The following CARMIL1 variants were observed in gnomAD, a reference collection of about 807,000 sequenced individuals.
The protein encoded by CARMIL1 is F-actin-uncapping protein LRRC16A.
In CARMIL1, 90 loss-of-function variants were observed where a neutral mutation model predicts 177.1. That is an observed-to-expected ratio of 0.51 (90% CI 0.43 to 0.61). The LOEUF (loss-of-function observed/expected upper bound fraction) is 0.61, where lower values mean the gene tolerates loss of function less well. CARMIL1 is among the 20% of genes least tolerant of loss of function. The probability of loss-of-function intolerance (pLI) is 0.00; values close to 1 mark genes in which losing one functional copy is unlikely to be tolerated. For synonymous variants in CARMIL1, 577 were observed against 606.2 expected (o/e 0.95, Z 0.71); for missense variants, 1,380 against 1,667.0 (o/e 0.83, Z 3.00).
chr6:25,422,777 T>C (rs35954501), intron 3 of CARMIL1, among the ~76,000 whole-genome samples: 20,165 of 152,118 alleles, frequency 0.13, 1,729 homozygotes, highest in East Asian at 0.3. Flanking sequence ...TACCCTAACA[T>C]GTTGTGACAC....
intron 11 of CARMIL1, among the ~76,000 whole-genome samples, chr6:25,473,927 CAG>C (rs1455365864): frequency 6.6e-6 from 1 of 152,030 alleles, no homozygotes; most frequent in African/African-American, 2.4e-5. Flanking sequence ...AGAGAGGAGT[CAG>C]TAGGTTTAGA....
chr6:25,526,070 G>A (rs1425138668), intron 23 of CARMIL1, among the ~76,000 whole-genome samples: 1 of 151,924 alleles, frequency 6.6e-6, no homozygotes, highest in African/African-American at 2.4e-5. Context: ...AGCACTTTGG[G>A]AGGCCGAGGC....
intron 15 of CARMIL1, among the ~76,000 whole-genome samples, chr6:25,492,346 C>T (rs541529543): frequency 3.9e-5 from 6 of 152,256 alleles, no homozygotes; most frequent in African/African-American, 1.4e-4. Context: ...CACGGGTGAG[C>T]TTGGATGTAG....
intron 2 of CARMIL1, among the ~76,000 whole-genome samples, chr6:25,395,830 G>A (rs977438538): frequency 6.6e-6 from 1 of 152,222 alleles, no homozygotes; most frequent in Admixed American, 6.5e-5. Context: ...TAAGCAAGTG[G>A]AAAGGTGGTT....
At chr6:25,478,727 A>C (rs765476438) in intron 11 of CARMIL1, among the ~76,000 whole-genome samples, 2 of 151,452 alleles carry the variant, frequency 1.3e-5, no homozygotes, top group Non-Finnish European at 2.9e-5. Context: ...ACCTGGGAGG[A>C]GGAGGTTGCA....
intron 2 of CARMIL1, among the ~76,000 whole-genome samples, chr6:25,392,184 T>C (rs761640418): frequency 9.2e-5 from 14 of 151,930 alleles, no homozygotes; most frequent in African/African-American, 3.4e-4. Flanking sequence ...ACCGTAGATA[T>C]ATATGGGATC....
chr6:25,397,202 A>G (rs1793485608), intron 2 of CARMIL1, among the ~76,000 whole-genome samples: 1 of 152,138 alleles, frequency 6.6e-6, no homozygotes, highest in Non-Finnish European at 1.5e-5. Context: ...TAGCTCAGTC[A>G]TTTGAACTTC....
intron 11 of CARMIL1, among the ~76,000 whole-genome samples, chr6:25,481,044 C>T (rs1802079475): frequency 6.6e-6 from 1 of 151,552 alleles, no homozygotes; most frequent in African/African-American, 2.4e-5. Context: ...TTAGATTAAT[C>T]AAGTTTTAAC....
In CARMIL1 at chr6:25,550,893, C is replaced by G; in HGVS notation, c.2329-17C>G. 1 of 1,609,364 alleles carries G rather than the reference C, an allele frequency of 6.2e-7. No individual in the cohort carries two copies. ...GCAGTGTCATCATCTCTTCCCTTCACTTGTGCTGCATTGCAGGCGTTGCTT... is the reference window on the plus strand; with the variant it reads ...GCAGTGTCATCATCTCTTCCCTTCAGTTGTGCTGCATTGCAGGCGTTGCTT... On this transcript the variant is annotated splice_polypyrimidine_tract_variant and intron_variant, in intron 26 of 36. Transcript: ENST00000329474.
chr6:25,500,235 G>A lies in CARMIL1; in HGVS notation c.1395G>A (p.Glu465=). 1 of 1,613,348 alleles carries A rather than the reference G, an allele frequency of 6.2e-7. No homozygotes were observed. Among genetic ancestry groups the A allele is most frequent in the Non-Finnish European group, 8.5e-7 (1 of 1,179,410 alleles). ...TTTCTCTGGATCTCAGCAACTGTGA[G>A]GTAAGAACACCCTTAGATTGTATAC... The part of the protein sequence containing the change: ...KGVSLDLSNC[E]LRSGGAQVLE... Residue 465 remains glutamate, a splice_region_variant and synonymous_variant, in exon 17 of 37, where the codon GAG becomes GAA. Transcript: ENST00000329474.
chr6:25,329,209 C>T (rs1282676282), intron 2 of CARMIL1, among the ~76,000 whole-genome samples: 3 of 152,120 alleles, frequency 2.0e-5, no homozygotes, highest in Non-Finnish European at 4.4e-5. Context: ...TAGATTCCAT[C>T]CTCCCCCACC....
At chr6:25,585,984 C>A (rs1251534473) in intron 31 of CARMIL1, among the ~76,000 whole-genome samples, 3 of 152,264 alleles carry the variant, frequency 2.0e-5, no homozygotes, top group Non-Finnish European at 4.4e-5. Flanking sequence ...ATTTCTCTTT[C>A]CTTTCCCCAC....
chr6:25,611,572 G>C (rs1308198217), intron 36 of CARMIL1, among the ~76,000 whole-genome samples: 2 of 152,186 alleles, frequency 1.3e-5, no homozygotes, highest in African/African-American at 2.4e-5. Context: ...GAAAATGCCT[G>C]AAAGAGTTCA....
chr6:25,318,291 G>A (rs57438642), intron 2 of CARMIL1, among the ~76,000 whole-genome samples: 6,936 of 152,196 alleles, frequency 0.046, 229 homozygotes, highest in Middle Eastern at 0.099. Context: ...GAAAGGAGAA[G>A]GTCGGGAAGG....
chr6:25,607,441 CA>C (rs1816086392), intron 35 of CARMIL1, among the ~76,000 whole-genome samples: 1 of 152,144 alleles, frequency 6.6e-6, no homozygotes, highest in Non-Finnish European at 1.5e-5. Flanking sequence ...GATGAACTCT[CA>C]ATATCCTCGT....
chr6:25,473,256 C>T (rs1035143958), intron 11 of CARMIL1, among the ~76,000 whole-genome samples: 2 of 152,128 alleles, frequency 1.3e-5, no homozygotes, highest in African/African-American at 4.8e-5. Flanking sequence ...TGATTAGTAA[C>T]CTAATCATGG....
chr6:25,363,563 G>A (rs1424877825), intron 2 of CARMIL1, among the ~76,000 whole-genome samples: 2 of 152,204 alleles, frequency 1.3e-5, no homozygotes, highest in Non-Finnish European at 2.9e-5. Flanking sequence ...TGACCGTTGA[G>A]TGAGCTCTTA....
intron 1 of CARMIL1, among the ~76,000 whole-genome samples, chr6:25,283,333 G>A (rs1337103396): frequency 6.6e-6 from 1 of 152,134 alleles, no homozygotes; most frequent in African/African-American, 2.4e-5. Context: ...TGGGCTGATG[G>A]GTTAGAGGCC....
At chr6:25,297,916 C>T (rs562523110) in intron 2 of CARMIL1, among the ~76,000 whole-genome samples, 1 of 152,150 alleles carries the variant, frequency 6.6e-6, no homozygotes, top group African/African-American at 2.4e-5. Context: ...GGAATGGCTT[C>T]TTTTTTCAAT....
Sources: allele counts gnomAD v4.1 joint callset (sites outside exome capture counted in the v4.1 genomes callset), GRCh38; gene constraint gnomAD v4.1.1; transcripts MANE v1.5; gene names NCBI Gene and HGNC (gene_info 2026-07-23, HGNC 2026-07-21).